Variants in CTSW observed in about 807,000 individuals in gnomAD.
The protein encoded by CTSW is cathepsin W.
CTSW carries 42 observed loss-of-function variants against 43.8 expected under a neutral mutation model. The observed-to-expected ratio is 0.96, with a 90% CI of 0.75 to 1.24. CTSW has a LOEUF of 1.24. Among genes scored for constraint, CTSW ranks in the 50% most tolerant of loss-of-function variants. The pLI is 0.00. For synonymous variants in CTSW, 191 were observed against 184.8 expected (o/e 1.03, Z -0.27); for missense variants, 475 against 479.9 (o/e 0.99, Z 0.09).
At chr11:65,882,389 G>T in intron 4 of CTSW, 41 bp from the exon 5 acceptor site, 1 of 1,613,676 alleles carries the variant, frequency 6.2e-7, no homozygotes, top group Non-Finnish European at 8.5e-7. Flanking sequence ...AGAGGGGCAC[G>T]GCCCGAACAC....
In CTSW at chr11:65,880,973, C is replaced by T. The variant is rs192941991; in HGVS notation, c.173-434C>T. Among the ~76,000 whole-genome samples the T allele has an allele frequency of 4.6e-5, 7 of 152,310 alleles. No individual in the cohort carries two copies. The East Asian group carries it at 9.6e-4, about 21-fold the overall frequency. ...CCATGATCTAACCCCTGCCCCTGCC[C>T]TCTCGCTGTGCTGATCTCTCTAGGG... On this transcript the variant is annotated intron_variant, in intron 2 of 9. Coordinates refer to ENST00000307886, the MANE Select transcript of CTSW (RefSeq NM_001335.4).
intron 1 of CTSW, 25 bp downstream of exon 1, chr11:65,879,966 A>G: frequency 6.3e-7 from 1 of 1,583,894 alleles, no homozygotes; most frequent in Non-Finnish European, 8.6e-7. Flanking sequence ...ACCCTTACCT[A>G]TGCCAGTCCC....
rs780389746 is a variant in CTSW, at chr11:65,880,286, G to A, written c.172G>A (p.Glu58Lys). 1 of 1,612,380 alleles carries A rather than the reference G, an allele frequency of 6.2e-7. No individual in the cohort carries two copies. Among genetic ancestry groups the A allele is most frequent in the African/African-American group, 1.3e-5 (1 of 74,936 alleles). Residue 58 changes from glutamate (E) to lysine (K), a missense_variant and splice_region_variant, in exon 2 of 10, where the codon GAG (glutamate) becomes AAG (lysine). Coordinates refer to ENST00000307886, the MANE Select transcript of CTSW (RefSeq NM_001335.4). ...QFNRSYLSPE[E>K]HAHRLDIFAH... Reference sequence around the variant, plus strand: ...CAACCGGAGTTACCTGAGCCCAGAAGGTATCACAGGGCACATACATCTCCA... The same window carrying A: ...CAACCGGAGTTACCTGAGCCCAGAAAGTATCACAGGGCACATACATCTCCA...
rs753287709 is a variant in CTSW, at chr11:65,879,942, G to GT, written c.87+2dup. On this transcript the variant is annotated splice_donor_variant, in intron 1 of 9. Transcript: ENST00000307886. LOFTEE classifies it high-confidence loss of function. ...CATCAGAGGCCCCCTTAGGGCCCAG[G>GT]TAAGTGCTCCCAAACCCTTACCTAT... 3 of 1,611,884 alleles carry GT rather than the reference G, an allele frequency of 1.9e-6. No homozygotes were observed. The highest frequency in any genetic ancestry group is 2.5e-6 in the Non-Finnish European group (3 of 1,178,986).
chr11:65,882,749 A>C (rs1451951648), intron 6 of CTSW, 30 bp from the exon 7 acceptor site: 1 of 1,614,130 alleles, frequency 6.2e-7, no homozygotes, highest in Non-Finnish European at 8.5e-7. Flanking sequence ...GCAGGAGCGG[A>C]ACCTCCTCCC....
chr11:65,882,912 C>A lies in CTSW; in HGVS notation c.745+8C>A. 1.2e-6 allele frequency: 2 copies of A among 1,613,728 alleles called. No homozygotes were observed. Among genetic ancestry groups the A allele is most frequent in the Non-Finnish European group, 1.7e-6 (2 of 1,179,982 alleles). Reference sequence around the variant, plus strand: ...TGCAGAACAACGAGCACAGTGCGGGCAGGGCAGGGACACGGGCGGATGGCA... The same window carrying A: ...TGCAGAACAACGAGCACAGTGCGGGAAGGGCAGGGACACGGGCGGATGGCA... On this transcript the variant is annotated splice_region_variant and intron_variant, in intron 7 of 9. Transcript: ENST00000307886.
intron 2 of CTSW, 189 bp downstream of exon 2, chr11:65,880,475 C>A (rs1860092714): frequency 1.1e-5 from 5 of 470,492 alleles, no homozygotes; most frequent in African/African-American, 2.0e-5. Flanking sequence ...CATGCGCCAC[C>A]ACACTTGGCT....
At chr11:65,881,100 C>T (rs1030740176) in intron 2 of CTSW, among the ~76,000 whole-genome samples, 2 of 152,168 alleles carry the variant, frequency 1.3e-5, no homozygotes, top group African/African-American at 4.8e-5. Context: ...GTGTAAAGGA[C>T]GTGGCCTGGC....
At position 65,883,282 on chromosome 11, in the gene CTSW, T is replaced by C; in HGVS notation, c.878T>C (p.Val293Ala). ...TCDPQLVDHSVLLVGFGSVKS... is the reference protein window; with the variant it reads ...TCDPQLVDHSALLVGFGSVKS... The stretch of plus-strand genomic sequence containing the variant: ...GACCCCCAGCTTGTGGACCACTCTG[T>C]CCTGCTGGTGGGTTTTGGCAGCGTC... The change falls in exon 9 of 10, where the codon GTC becomes GCC. Residue 293 changes from valine (V) to alanine (A), a missense_variant. Physicochemically the swap from Val to Ala is moderately conservative, Grantham distance 64. Transcript: ENST00000307886. 1 of 1,614,066 alleles carries C rather than the reference T, an allele frequency of 6.2e-7. No individual in the cohort carries two copies. Among genetic ancestry groups the C allele is most frequent in the Non-Finnish European group, 8.5e-7 (1 of 1,180,004 alleles).
Position 65,883,136 on chromosome 11 carries a change from G to A in CTSW, c.810+3G>A, listed in dbSNP as rs1407031583. The A allele has an allele frequency of 1.2e-6, 2 of 1,614,032 alleles. No individual in the cohort carries two copies. Among genetic ancestry groups the A allele is most frequent in the East Asian group, 2.2e-5 (1 of 44,880 alleles). On this transcript the variant is annotated splice_donor_region_variant and intron_variant, in intron 8 of 9. Coordinates refer to ENST00000307886, the MANE Select transcript of CTSW (RefSeq NM_001335.4). ...CCATCAACATGAAGCCCCTTCAGGT[G>A]AGATGGGGGAGCTGATGGGGAAGGG...
Position 65,882,288 on chromosome 11 carries a change from T to C in CTSW, c.400T>C (p.Trp134Arg). 1 of 1,614,184 alleles carries C rather than the reference T, an allele frequency of 6.2e-7. No homozygotes were observed. The highest frequency in any genetic ancestry group is 8.5e-7 in the Non-Finnish European group (1 of 1,180,018). Reference sequence around the variant, plus strand: ...GGAGTCAGTACCTTTCAGCTGTGACTGGCGGAAGGTGGCCAGCGCCATCTC... The same window carrying C: ...GGAGTCAGTACCTTTCAGCTGTGACCGGCGGAAGGTGGCCAGCGCCATCTC... ...PEESVPFSCD[W>R]RKVASAISPI... Residue 134 changes from tryptophan (W) to arginine (R), a missense_variant, in exon 4 of 10, where the codon TGG (tryptophan) becomes CGG (arginine). Physicochemically the swap from Trp to Arg is moderately radical, Grantham distance 101 (BLOSUM62 -3). Transcript: ENST00000307886.
rs1267682109 is a variant in CTSW, at chr11:65,882,264, G to A, written c.376G>A (p.Glu126Lys). Residue 126 changes from glutamate (E) to lysine (K), a missense_variant, in exon 4 of 10, where the codon GAG (glutamate) becomes AAG (lysine). Glu to Lys is a moderately conservative substitution (Grantham distance 56). Transcript: ENST00000307886. ...AGAAATAAGGTCTGAAGAGCCAGAG[G>A]AGTCAGTACCTTTCAGCTGTGACTG... ...GREIRSEEPE[E>K]SVPFSCDWRK... 1 of 1,614,202 alleles carries A rather than the reference G, an allele frequency of 6.2e-7. No individual in the cohort carries two copies.
intron 5 of CTSW, 36 bp downstream of exon 5, chr11:65,882,562 G>C (rs1214266336): frequency 1.2e-6 from 2 of 1,613,980 alleles, no homozygotes; most frequent in African/African-American, 1.3e-5. Context: ...TGACAGGGGA[G>C]GGAGGCCTAG....
chr11:65,881,136 C>T (rs978116191), intron 2 of CTSW, among the ~76,000 whole-genome samples: 1 of 152,154 alleles, frequency 6.6e-6, no homozygotes, highest in Non-Finnish European at 1.5e-5. Flanking sequence ...AGCCACACAT[C>T]CTTGAGTCAC....
In CTSW at chr11:65,882,958, G is replaced by C. The variant is rs1591073738; in HGVS notation, c.745+54G>C. 5.6e-6 allele frequency: 9 copies of C among 1,612,704 alleles called. No homozygotes were observed. In the East Asian group the frequency reaches 2.0e-4, roughly 36 times the overall value. ...TGGCAGGGACAGACACCGGGGCAGA[G>C]GCAGACACGCTGGGCTACTGGGCTA... On this transcript the variant is annotated intron_variant, in intron 7 of 9. Coordinates refer to ENST00000307886, the MANE Select transcript of CTSW (RefSeq NM_001335.4).
chr11:65,883,350 T>A lies in CTSW; in HGVS notation c.946T>A (p.Ser316Thr), dbSNP rs141691755. The change falls in exon 9 of 10, where the codon TCT (serine) becomes ACT (threonine). Residue 316 changes from serine (S) to threonine (T), a missense_variant. Coordinates refer to ENST00000307886, the MANE Select transcript of CTSW (RefSeq NM_001335.4). The part of the protein sequence containing the change: ...GIWAETVSSQ[S>T]QPQPPHPTPY... ...ATGGGCAGAGACAGTCTCATCGCAG[T>A]CTCAGCCTCAGCCTCCACACCCCAC... 4.7e-4 allele frequency: 766 copies of A among 1,613,994 alleles called. No homozygotes were observed. Among genetic ancestry groups the A allele is most frequent in the Non-Finnish European group, 3.5e-4 (410 of 1,179,988 alleles).
At position 65,883,488 on chromosome 11, in the gene CTSW, T is replaced by C. The variant is rs1860146471; in HGVS notation, c.1021-20T>C. On this transcript the variant is annotated intron_variant, in intron 9 of 9. Transcript: ENST00000307886. ...AGGCCTCTTCCCACCTTCCCGCCCC[T>C]ATGTCCCCTAACCTCCTAGGGCTAT... The C allele has an allele frequency of 1.2e-6, 2 of 1,612,040 alleles. No individual in the cohort carries two copies. The highest frequency in any genetic ancestry group is 1.6e-4 in the Middle Eastern group (1 of 6,078).
chr11:65,883,068 G>C lies in CTSW; in HGVS notation c.746-1G>C. 1 of 1,614,124 alleles carries C rather than the reference G, an allele frequency of 6.2e-7. No individual in the cohort carries two copies. The highest frequency in any genetic ancestry group is 8.5e-7 in the Non-Finnish European group (1 of 1,180,020). ...GGGTCTGATGATGTTCCTGTCCCCA[G>C]GAATTGCGCAGTACCTGGCCACTTA... On this transcript the variant is annotated splice_acceptor_variant, in intron 7 of 9. Coordinates refer to ENST00000307886, the MANE Select transcript of CTSW (RefSeq NM_001335.4). LOFTEE classifies it high-confidence loss of function.
chr11:65,881,657 G>A (rs1860106910), intron 3 of CTSW, 137 bp downstream of exon 3: 2 of 619,556 alleles, frequency 3.2e-6, no homozygotes, highest in Non-Finnish European at 5.7e-6. Flanking sequence ...CAGGGGCTTG[G>A]GTGCTGGTAT....
Sources: gnomAD v4.1 joint callset for allele counts (sites outside exome capture counted in the v4.1 genomes callset) on GRCh38, gnomAD v4.1.1 for gene constraint, MANE v1.5 for transcripts, NCBI Gene and HGNC (gene_info 2026-07-23, HGNC 2026-07-21) for gene names.